The following ASTN2 variants were observed in gnomAD, a reference collection of about 807,000 sequenced individuals.
ASTN2 encodes astrotactin-2.
Under a neutral mutation model 139.8 loss-of-function variants are expected in ASTN2, and 54 were observed. That is an observed-to-expected ratio of 0.39 (90% CI 0.31 to 0.48). The LOEUF is 0.48. ASTN2 is among the 20% of genes least tolerant of loss of function. The probability of loss-of-function intolerance (pLI) is 0.95; values close to 1 mark genes in which losing one functional copy is unlikely to be tolerated. For synonymous variants in ASTN2, 756 were observed against 719.5 expected (o/e 1.05, Z -0.81); for missense variants, 1,565 against 1,725.1 (o/e 0.91, Z 1.64).
At chr9:116,718,972 G>GTGTGTGTGTATATATATATA (rs56991546) in intron 16 of ASTN2, among the ~76,000 whole-genome samples, 1,535 of 100,026 alleles carry the variant, frequency 0.015, 88 homozygotes, top group African/African-American at 0.056. Context: ...ACCTGTATCT[G>GTGTGTGTGTATATATATATA]TACATATATA....
intron 4 of ASTN2, among the ~76,000 whole-genome samples, chr9:117,122,178 C>A (rs992341704): frequency 1.3e-5 from 2 of 152,150 alleles, no homozygotes; most frequent in African/African-American, 4.8e-5. Flanking sequence ...AAAGAAGGAA[C>A]TTTCCCGTGA....
intron 6 of ASTN2, among the ~76,000 whole-genome samples, chr9:117,024,164 CCTT>C (rs1837981965): frequency 6.6e-6 from 1 of 152,150 alleles, no homozygotes; most frequent in Non-Finnish European, 1.5e-5. Context: ...TCAGCTTCTA[CCTT>C]CTCTAAGAAT....
intron 3 of ASTN2, among the ~76,000 whole-genome samples, chr9:117,147,964 C>T (rs537584601): frequency 1.2e-4 from 18 of 152,282 alleles, no homozygotes; most frequent in Middle Eastern, 3.4e-3. Flanking sequence ...AGCTCCTCTT[C>T]AGATCATCTA....
intron 19 of ASTN2, among the ~76,000 whole-genome samples, chr9:116,610,077 T>C (rs557379719): frequency 6.6e-6 from 1 of 152,216 alleles, no homozygotes; most frequent in South Asian, 2.1e-4. Context: ...AGAAAGATGA[T>C]AACCTTAAAC....
chr9:117,371,662 G>A (rs1315671282), intron 1 of ASTN2, among the ~76,000 whole-genome samples: 1 of 152,152 alleles, frequency 6.6e-6, no homozygotes, highest in Admixed American at 6.5e-5. Flanking sequence ...TCATAGGGTT[G>A]TCGTGAGGAT....
At chr9:116,770,345 A>G (rs1829925395) in intron 13 of ASTN2, among the ~76,000 whole-genome samples, 1 of 152,112 alleles carries the variant, frequency 6.6e-6, no homozygotes, top group East Asian at 1.9e-4. Context: ...TCCTTTCCTC[A>G]CCTACATCTT....
At chr9:116,895,375 C>T (rs1833857134) in intron 10 of ASTN2, among the ~76,000 whole-genome samples, 1 of 152,200 alleles carries the variant, frequency 6.6e-6, no homozygotes, top group Non-Finnish European at 1.5e-5. Flanking sequence ...AAACACTTCT[C>T]TAGTCCCAAG....
chr9:117,158,900 G>T (rs571533653), intron 3 of ASTN2, among the ~76,000 whole-genome samples: 29 of 152,020 alleles, frequency 1.9e-4, no homozygotes, highest in African/African-American at 6.7e-4. Context: ...CACTCACTCT[G>T]ATCTTCACTG....
chr9:116,958,891 G>A (rs570992496), intron 10 of ASTN2, among the ~76,000 whole-genome samples: 1 of 152,272 alleles, frequency 6.6e-6, no homozygotes, highest in Admixed American at 6.5e-5. Flanking sequence ...ACTATGAAAT[G>A]GGTTCAACCA....
At chr9:116,569,623 G>C (rs1414226029) in intron 19 of ASTN2, among the ~76,000 whole-genome samples, 1 of 152,082 alleles carries the variant, frequency 6.6e-6, no homozygotes, top group East Asian at 1.9e-4. Context: ...TTCACATTTG[G>C]GTTCATGTGT....
intron 22 of ASTN2, among the ~76,000 whole-genome samples, chr9:116,435,845 G>T (rs77584060): frequency 6.6e-6 from 1 of 152,164 alleles, no homozygotes; most frequent in South Asian, 2.1e-4. Flanking sequence ...GGATTTTTTG[G>T]AATGTTAGAA....
intron 5 of ASTN2, among the ~76,000 whole-genome samples, chr9:117,091,604 G>A (rs571108179): frequency 6.6e-6 from 1 of 152,186 alleles, no homozygotes; most frequent in South Asian, 2.1e-4. Context: ...AAACGGCAGG[G>A]AAGAGCATTC....
At chr9:117,163,032 GAAA>G (rs1830587900) in intron 3 of ASTN2, among the ~76,000 whole-genome samples, 1 of 152,076 alleles carries the variant, frequency 6.6e-6, no homozygotes, top group East Asian at 1.9e-4. Flanking sequence ...GTCAGGTTAT[GAAA>G]ATGCCAGTCA....
chr9:116,737,870 C>A (rs963746711), intron 13 of ASTN2, among the ~76,000 whole-genome samples: 4 of 151,946 alleles, frequency 2.6e-5, no homozygotes, highest in Admixed American at 2.6e-4. Flanking sequence ...GAGGACTTGG[C>A]GGGGGAAGGT....
At chr9:116,619,762 C>T (rs1343491542) in intron 18 of ASTN2, among the ~76,000 whole-genome samples, 1 of 147,348 alleles carries the variant, frequency 6.8e-6, no homozygotes, top group Non-Finnish European at 1.5e-5. Context: ...AATTCCTGGC[C>T]TCAAGAGATC....
intron 13 of ASTN2, among the ~76,000 whole-genome samples, chr9:116,762,381 G>A (rs1383816929): frequency 2.0e-5 from 3 of 152,070 alleles, no homozygotes; most frequent in South Asian, 2.1e-4. Context: ...GGCCTCCAAG[G>A]AGAACTAATT....
rs1387949880 is a variant in ASTN2, at chr9:117,225,563, A to G, written c.631-10821T>C. 1.1e-4 allele frequency among the ~76,000 whole-genome samples: 13 copies of G among 119,430 alleles called. 2 individuals carry two copies. The highest frequency in any genetic ancestry group is 3.9e-3 in the Middle Eastern group (1 of 256). The allele number at this position is 119,430 out of a possible 152,430, so 78.4% of individuals were successfully genotyped here. On this transcript the variant is annotated intron_variant, in intron 2 of 22. Transcript: ENST00000313400. ...TATATATATATATATATATATATATATATATATATATACAGATGAACCCAA... is the reference window on the plus strand; with the variant it reads ...TATATATATATATATATATATATATGTATATATATATACAGATGAACCCAA...
intron 16 of ASTN2, among the ~76,000 whole-genome samples, chr9:116,682,493 A>G (rs1205478505): frequency 6.6e-6 from 1 of 152,218 alleles, no homozygotes; most frequent in East Asian, 1.9e-4. Flanking sequence ...CTAGAACTAG[A>G]AATACCATTT....
intron 7 of ASTN2, among the ~76,000 whole-genome samples, chr9:116,998,358 C>A (rs1202015573): frequency 1.3e-5 from 2 of 152,108 alleles, no homozygotes; most frequent in Non-Finnish European, 2.9e-5. Flanking sequence ...AAGACCAGTG[C>A]TGCCCAAGTC....
Sources: allele counts gnomAD v4.1 joint callset (sites outside exome capture counted in the v4.1 genomes callset), GRCh38; gene constraint gnomAD v4.1.1; transcripts MANE v1.5; gene names NCBI Gene and HGNC (gene_info 2026-07-23, HGNC 2026-07-21).